The following RHOB variants were observed in gnomAD, a reference collection of about 807,000 sequenced individuals.
RHOB encodes rho-related GTP-binding protein RhoB.
A neutral mutation model predicts 12.9 loss-of-function variants in RHOB; 6 were observed. That is an observed-to-expected ratio of 0.47 (90% CI 0.25 to 0.92). The LOEUF (loss-of-function observed/expected upper bound fraction) is 0.92, where lower values mean the gene tolerates loss of function less well. Ranked by LOEUF, RHOB falls within the 40% of genes least tolerant of loss-of-function variation. The pLI is 0.16. For synonymous variants in RHOB, 168 were observed against 122.1 expected (o/e 1.38, Z -2.48); for missense variants, 142 against 277.9 (o/e 0.51, Z 3.48).
rs1350831449 is a variant in RHOB, at chr2:20,449,003, C to T, written c.*947C>T. On this transcript the variant is annotated 3_prime_UTR_variant, in exon 1 of 1. Coordinates refer to ENST00000272233, the MANE Select transcript of RHOB (RefSeq NM_004040.4). ...TGACCACACTTGTACGCTGTAACCTCATCTACTTCTGATGTTTTTAAAAAA... is the reference window on the plus strand; with the variant it reads ...TGACCACACTTGTACGCTGTAACCTTATCTACTTCTGATGTTTTTAAAAAA... 6.0e-6 allele frequency: 1 copy of T among 167,114 alleles called. No homozygotes were observed. The highest frequency in any genetic ancestry group is 1.5e-5 in the Non-Finnish European group (1 of 68,122). The allele number at this position is 167,114 out of a possible 1,614,324, so 10.4% of individuals were successfully genotyped here.
In RHOB at chr2:20,447,117, A is replaced by T. The variant is rs1055838855; in HGVS notation, c.-349A>T. 4.3e-6 allele frequency: 1 copy of T among 230,938 alleles called. No individual in the cohort carries two copies. The highest frequency in any genetic ancestry group is 1.7e-4 in the South Asian group (1 of 5,774). The allele number at this position is 230,938 out of a possible 1,614,324, so 14.3% of individuals were successfully genotyped here. ...GTTGGAGCTGTTGTCTTGTATGCTCAGCGAGGCCCGGAGAGACCCGGGAGA... is the reference window on the plus strand; with the variant it reads ...GTTGGAGCTGTTGTCTTGTATGCTCTGCGAGGCCCGGAGAGACCCGGGAGA... On this transcript the variant is annotated 5_prime_UTR_variant, in exon 1 of 1. Coordinates refer to ENST00000272233, the MANE Select transcript of RHOB (RefSeq NM_004040.4).
In RHOB at chr2:20,447,534, C is replaced by A. The variant is rs766942695; in HGVS notation, c.69C>A (p.Ile23=). 1 of 1,614,130 alleles carries A rather than the reference C, an allele frequency of 6.2e-7. No homozygotes were observed. The highest frequency in any genetic ancestry group is 1.1e-5 in the South Asian group (1 of 91,084). Residue 23 remains isoleucine, a synonymous_variant, in exon 1 of 1, where the codon ATC becomes ATA. Transcript: ENST00000272233. Reference sequence around the variant, plus strand: ...CGTGTGGCAAGACGTGCCTGCTGATCGTGTTCAGTAAGGACGAGTTCCCCG... The same window carrying A: ...CGTGTGGCAAGACGTGCCTGCTGATAGTGTTCAGTAAGGACGAGTTCCCCG... ...DGACGKTCLL[I]VFSKDEFPEV... is the part of the protein sequence containing the mutation.
rs1341331781 is a variant in RHOB at position 20,448,097 on chromosome 2, C to G, written c.*41C>G. ...CGCCTGCCCCTGCCGGCACGGCTCC[C>G]CCTCCTGGACCAGTCCCCCGCGAGC... is the stretch of plus-strand genomic sequence containing the variant. On this transcript the variant is annotated 3_prime_UTR_variant, in exon 1 of 1. Transcript: ENST00000272233. 2 of 1,516,766 alleles carry G rather than the reference C, an allele frequency of 1.3e-6. No individual in the cohort carries two copies. The highest frequency in any genetic ancestry group is 9.0e-7 in the Non-Finnish European group (1 of 1,112,286). The allele number at this position is 1,516,766 out of a possible 1,614,324, so 94.0% of individuals were successfully genotyped here.
Position 20,447,848 on chromosome 2 carries a change from GCA to G in RHOB, c.386_387del (p.Thr129ArgfsTer14), listed in dbSNP as rs777281091. On this transcript the variant is annotated frameshift_variant, in exon 1 of 1. Transcript: ENST00000272233. LOFTEE classifies it high-confidence loss of function. Reference sequence around the variant, plus strand: ...GACCTGCGCAGCGACGAGCATGTCCGCACAGAGCTGGCCCGCATGAAGCAGGA... The same window carrying G: ...GACCTGCGCAGCGACGAGCATGTCCGCAGAGCTGGCCCGCATGAAGCAGGA... 6.2e-7 allele frequency: 1 copy of G among 1,613,666 alleles called. No homozygotes were observed. The highest frequency in any genetic ancestry group is 8.5e-7 in the Non-Finnish European group (1 of 1,180,032).
Position 20,448,375 on chromosome 2 carries a change from T to G in RHOB, c.*319T>G. 1 of 330,348 alleles carries G rather than the reference T, an allele frequency of 3.0e-6. No individual in the cohort carries two copies. Among genetic ancestry groups the G allele is most frequent in the Non-Finnish European group, 5.9e-6 (1 of 169,578 alleles). 20.5% of individuals were successfully genotyped at this position (330,348 alleles called of 1,614,324 possible). A position where few individuals can be genotyped will look rare whatever the true frequency, so the allele number is the denominator to read the frequency against. ...GTCTGTTCGACTCCCCTCGCCCCAT[T>G]TTCACCCCACCCCCGCCTCTGATCC... On this transcript the variant is annotated 3_prime_UTR_variant, in exon 1 of 1. Transcript: ENST00000272233.
chr2:20,449,254 G>A lies in RHOB; in HGVS notation c.*1198G>A, dbSNP rs868199028. ...CTGTACAGAGAATACACCTGCCCCT[G>A]TATATCCTTTTTTCCCCTCCCCTCC... On this transcript the variant is annotated 3_prime_UTR_variant, in exon 1 of 1. Transcript: ENST00000272233. 1 of 166,544 alleles carries A rather than the reference G, an allele frequency of 6.0e-6. No homozygotes were observed. Among genetic ancestry groups the A allele is most frequent in the African/African-American group, 2.4e-5 (1 of 41,254 alleles). The allele number at this position is 166,544 out of a possible 1,614,324, so 10.3% of individuals were successfully genotyped here.
At position 20,447,989 on chromosome 2, in the gene RHOB, C is replaced by T; in HGVS notation, c.524C>T (p.Thr175Met). The change falls in exon 1 of 1, where the codon ACG becomes ATG. Residue 175 changes from threonine to methionine, a missense_variant. Thr to Met is a moderately conservative substitution (Grantham distance 81). This residue lies in a region of RHOB where 113 missense variants were observed against 166.3 expected (regional missense o/e 0.68). Coordinates refer to ENST00000272233, the MANE Select transcript of RHOB (RefSeq NM_004040.4). ...GTGCGCGAGGTCTTCGAGACGGCCACGCGCGCCGCGCTGCAGAAGCGCTAC... is the reference window on the plus strand; with the variant it reads ...GTGCGCGAGGTCTTCGAGACGGCCATGCGCGCCGCGCTGCAGAAGCGCTAC... ...EGVREVFETATRAALQKRYGS... is the reference protein window; with the variant it reads ...EGVREVFETAMRAALQKRYGS... 6.2e-7 allele frequency: 1 copy of T among 1,612,800 alleles called. No homozygotes were observed. The highest frequency in any genetic ancestry group is 8.5e-7 in the Non-Finnish European group (1 of 1,179,900).
Position 20,448,188 on chromosome 2 carries a change from G to T in RHOB, c.*132G>T. 2 of 825,978 alleles carry T rather than the reference G, an allele frequency of 2.4e-6. No individual in the cohort carries two copies. 51.2% of individuals were successfully genotyped at this position (825,978 alleles called of 1,614,324 possible). On this transcript the variant is annotated 3_prime_UTR_variant, in exon 1 of 1. Transcript: ENST00000272233. ...GCCTGCCTGGCATCTGTCTGCTGAC[G>T]CCTCTGGCTTGCGCCAGGACTTGGC...
Position 20,447,417 on chromosome 2 carries a change from C to T in RHOB, c.-49C>T, listed in dbSNP as rs769526968. The T allele has an allele frequency of 6.8e-6, 10 of 1,462,536 alleles. No homozygotes were observed. Among genetic ancestry groups the T allele is most frequent in the Non-Finnish European group, 8.4e-6 (9 of 1,075,392 alleles). 90.6% of individuals were successfully genotyped at this position (1,462,536 alleles called of 1,614,324 possible). Reference sequence around the variant, plus strand: ...GAGCAGTGAGCGGCGAGCGGGAGGGCAGCGAGGCGTTCGCGGGCCCCCTCC... The same window carrying T: ...GAGCAGTGAGCGGCGAGCGGGAGGGTAGCGAGGCGTTCGCGGGCCCCCTCC... On this transcript the variant is annotated 5_prime_UTR_variant, in exon 1 of 1. Coordinates refer to ENST00000272233, the MANE Select transcript of RHOB (RefSeq NM_004040.4).
chr2:20,447,886 A>G lies in RHOB; in HGVS notation c.421A>G (p.Thr141Ala), dbSNP rs1279564247. Residue 141 changes from threonine to alanine, a missense_variant, in exon 1 of 1, where the codon ACG becomes GCG. Transcript: ENST00000272233. The stretch of plus-strand genomic sequence containing the variant: ...CCGCATGAAGCAGGAACCCGTGCGC[A>G]CGGATGACGGCCGCGCCATGGCCGT... Reference protein sequence around the residue: ...LARMKQEPVRTDDGRAMAVRI... With the variant: ...LARMKQEPVRADDGRAMAVRI... 6.2e-7 allele frequency: 1 copy of G among 1,613,218 alleles called. No homozygotes were observed. The highest frequency in any genetic ancestry group is 8.5e-7 in the Non-Finnish European group (1 of 1,179,998).
At position 20,448,026 on chromosome 2, in the gene RHOB, C is replaced by T. The variant is rs1691034593; in HGVS notation, c.561C>T (p.Asn187=). ...TGCAGAAGCGCTACGGCTCCCAGAA[C>T]GGCTGCATCAACTGCTGCAAGGTGC... ...AALQKRYGSQ[N]GCINCCKVL is the part of the protein sequence containing the mutation. Residue 187 remains asparagine, a synonymous_variant, in exon 1 of 1, where the codon AAC becomes AAT. Transcript: ENST00000272233. 3 of 1,612,112 alleles carry T rather than the reference C, an allele frequency of 1.9e-6. No homozygotes were observed. The highest frequency in any genetic ancestry group is 2.2e-5 in the East Asian group (1 of 44,860).
rs1691059164 is a variant in RHOB at position 20,449,066 on chromosome 2, A to G, written c.*1010A>G. On this transcript the variant is annotated 3_prime_UTR_variant, in exon 1 of 1. Coordinates refer to ENST00000272233, the MANE Select transcript of RHOB (RefSeq NM_004040.4). ...AGGAGAGGGAAAAGAAACCCACTAA[A>G]TTTTGCTTTGTTTCCTTGAAGAATG... 1 of 166,896 alleles carries G rather than the reference A, an allele frequency of 6.0e-6. No homozygotes were observed. The highest frequency in any genetic ancestry group is 2.1e-4 in the South Asian group (1 of 4,820). 10.3% of individuals were successfully genotyped at this position (166,896 alleles called of 1,614,324 possible).
Position 20,448,357 on chromosome 2 carries a change from C to T in RHOB, c.*301C>T, listed in dbSNP as rs751476861. ...CAGAGTGTGTGGCTGTGTGTCTGTT[C>T]GACTCCCCTCGCCCCATTTTCACCC... On this transcript the variant is annotated 3_prime_UTR_variant, in exon 1 of 1. Coordinates refer to ENST00000272233, the MANE Select transcript of RHOB (RefSeq NM_004040.4). 1 of 402,262 alleles carries T rather than the reference C, an allele frequency of 2.5e-6. No individual in the cohort carries two copies. The highest frequency in any genetic ancestry group is 4.6e-5 in the East Asian group (1 of 21,950). The allele number at this position is 402,262 out of a possible 1,614,324, so 24.9% of individuals were successfully genotyped here. A position where few individuals can be genotyped will look rare whatever the true frequency, so the allele number is the denominator to read the frequency against.
rs1026463363 is a variant in RHOB, at chr2:20,448,257, C to G, written c.*201C>G. ...CATCCCAGTGTCTGTGTGCGTCCAG[C>G]TGTGTTGCACAGGCCTGGGCTCCCC... is the stretch of plus-strand genomic sequence containing the variant. On this transcript the variant is annotated 3_prime_UTR_variant, in exon 1 of 1. Coordinates refer to ENST00000272233, the MANE Select transcript of RHOB (RefSeq NM_004040.4). 36 of 613,536 alleles carry G rather than the reference C, an allele frequency of 5.9e-5. No homozygotes were observed. The highest frequency in any genetic ancestry group is 1.2e-4 in the South Asian group (6 of 50,168). 38.0% of individuals were successfully genotyped at this position (613,536 alleles called of 1,614,324 possible).
rs1186927878 is a variant in RHOB, at chr2:20,448,381, C to T, written c.*325C>T. 2 of 326,104 alleles carry T rather than the reference C, an allele frequency of 6.1e-6. No individual in the cohort carries two copies. The highest frequency in any genetic ancestry group is 1.2e-5 in the Non-Finnish European group (2 of 166,992). 20.2% of individuals were successfully genotyped at this position (326,104 alleles called of 1,614,324 possible). Reference sequence around the variant, plus strand: ...TCGACTCCCCTCGCCCCATTTTCACCCCACCCCCGCCTCTGATCCCCGGGG... The same window carrying T: ...TCGACTCCCCTCGCCCCATTTTCACTCCACCCCCGCCTCTGATCCCCGGGG... On this transcript the variant is annotated 3_prime_UTR_variant, in exon 1 of 1. Coordinates refer to ENST00000272233, the MANE Select transcript of RHOB (RefSeq NM_004040.4).
In RHOB at chr2:20,447,726, C is replaced by T; in HGVS notation, c.261C>T (p.Asp87=). The T allele has an allele frequency of 1.2e-6, 2 of 1,610,698 alleles. No individual in the cohort carries two copies. The highest frequency in any genetic ancestry group is 1.7e-6 in the Non-Finnish European group (2 of 1,178,396). ...TDVILMCFSV[D]SPDSLENIPE... ...TCATTCTCATGTGCTTCTCGGTGGA[C>T]AGCCCGGACTCGCTGGAGAACATCC... The change falls in exon 1 of 1, where the codon GAC becomes GAT. Residue 87 remains aspartate, a synonymous_variant. Coordinates refer to ENST00000272233, the MANE Select transcript of RHOB (RefSeq NM_004040.4).
Position 20,448,458 on chromosome 2 carries a change from C to T in RHOB, c.*402C>T. ...CGCCCCATCAGATGTTCGCCCTTCA[C>T]CAGCGGGAGCTTGATATCCCTTGTC... On this transcript the variant is annotated 3_prime_UTR_variant, in exon 1 of 1. Coordinates refer to ENST00000272233, the MANE Select transcript of RHOB (RefSeq NM_004040.4). 4.9e-6 allele frequency: 1 copy of T among 203,764 alleles called. No homozygotes were observed. Among genetic ancestry groups the T allele is most frequent in the Non-Finnish European group, 1.1e-5 (1 of 91,712 alleles). 12.6% of individuals were successfully genotyped at this position (203,764 alleles called of 1,614,324 possible).
rs754925693 is a variant in RHOB, at chr2:20,447,973, G to A, written c.508G>A (p.Val170Ile). ...CAAGACCAAGGAAGGCGTGCGCGAG[G>A]TCTTCGAGACGGCCACGCGCGCCGC... ...SAKTKEGVRE[V>I]FETATRAALQ... Residue 170 changes from valine (V) to isoleucine (I), a missense_variant, in exon 1 of 1, where the codon GTC (valine) becomes ATC (isoleucine). By Grantham distance (29) the Val-to-Ile change is conservative. Transcript: ENST00000272233. 3 of 1,612,982 alleles carry A rather than the reference G, an allele frequency of 1.9e-6. No individual in the cohort carries two copies. The highest frequency in any genetic ancestry group is 2.5e-6 in the Non-Finnish European group (3 of 1,179,972).
In RHOB at chr2:20,448,395, T is replaced by G; in HGVS notation, c.*339T>G. On this transcript the variant is annotated 3_prime_UTR_variant, in exon 1 of 1. Transcript: ENST00000272233. ...CCCATTTTCACCCCACCCCCGCCTC[T>G]GATCCCCGGGGGCGAGATTGGCGCG... The G allele has an allele frequency of 6.7e-6, 2 of 299,884 alleles. No individual in the cohort carries two copies. The highest frequency in any genetic ancestry group is 2.2e-5 in the African/African-American group (1 of 45,264). The allele number at this position is 299,884 out of a possible 1,614,324, so 18.6% of individuals were successfully genotyped here. A position where few individuals can be genotyped will look rare whatever the true frequency, so the allele number is the denominator to read the frequency against.
Sources: allele counts gnomAD v4.1 joint callset, GRCh38; gene constraint gnomAD v4.1.1; regional missense constraint gnomAD v4.1.1; transcripts MANE v1.5; gene names NCBI Gene and HGNC (gene_info 2026-07-23, HGNC 2026-07-21).